Variants in EFCAB8 observed in about 807,000 individuals in gnomAD.
EFCAB8 encodes the protein EF-hand calcium-binding domain-containing protein 8.
A neutral mutation model predicts 116.3 loss-of-function variants in EFCAB8; 100 were observed. The observed-to-expected ratio is 0.86, with a 90% CI of 0.73 to 1.02. The LOEUF (loss-of-function observed/expected upper bound fraction) is 1.02, where lower values mean the gene tolerates loss of function less well. EFCAB8 is among the 50% of genes least tolerant of loss of function. EFCAB8 has a pLI of 0.00. For missense variants in EFCAB8, 1,320 were observed against 1,416.9 expected (o/e 0.93, Z 1.10); for synonymous variants, 558 against 567.9 (o/e 0.98, Z 0.25).
At chr20:32,921,306 C>T (rs1987439086) in intron 20 of EFCAB8, among the ~76,000 whole-genome samples, 1 of 151,984 alleles carries the variant, frequency 6.6e-6, no homozygotes, top group African/African-American at 2.4e-5. Flanking sequence ...GACCCTCCCA[C>T]CTCAGCCTTG....
intron 5 of EFCAB8, 86 bp from the exon 6 acceptor site, chr20:32,885,419 C>A (rs1985571238): frequency 4.0e-6 from 6 of 1,516,998 alleles, no homozygotes; most frequent in Non-Finnish European, 5.3e-6. Context: ...TGTCCCTCCT[C>A]CTCGGTGGCT....
intron 20 of EFCAB8, 25 bp downstream of exon 20, chr20:32,920,240 G>C: frequency 6.4e-7 from 1 of 1,551,182 alleles, no homozygotes; most frequent in African/African-American, 1.4e-5. Flanking sequence ...GCCAGGGAGA[G>C]GGATATGAGC....
intron 7 of EFCAB8, 82 bp from the exon 8 acceptor site, chr20:32,892,131 A>T (rs1985948923): frequency 8.1e-7 from 1 of 1,231,120 alleles, no homozygotes. Context: ...ATTCCTTGGG[A>T]TAGCAATGAG....
chr20:32,928,884 T>A (rs924578096), intron 20 of EFCAB8, among the ~76,000 whole-genome samples: 1 of 151,556 alleles, frequency 6.6e-6, no homozygotes, highest in Non-Finnish European at 1.5e-5. Context: ...GTAATGTCCT[T>A]CTATTCCTAT....
At chr20:32,918,231 G>T (rs1355823082) in intron 18 of EFCAB8, 131 bp from the exon 19 acceptor site, 9 of 854,232 alleles carry the variant, frequency 1.1e-5, no homozygotes, top group East Asian at 5.3e-5. Flanking sequence ...TGCCTTTAAG[G>T]GGGCTAGGTT....
At chr20:32,937,996 G>A (rs1307624445) in intron 22 of EFCAB8, among the ~76,000 whole-genome samples, 1 of 149,850 alleles carries the variant, frequency 6.7e-6, no homozygotes, top group African/African-American at 2.5e-5. Flanking sequence ...ACCAAAACCA[G>A]ATAAAGATAT....
chr20:32,937,810 G>A (rs1035339709), intron 22 of EFCAB8, among the ~76,000 whole-genome samples: 1 of 149,134 alleles, frequency 6.7e-6, no homozygotes, highest in South Asian at 2.1e-4. Context: ...GTAGAGACAG[G>A]GTTTCACCAC....
intron 23 of EFCAB8, among the ~76,000 whole-genome samples, chr20:32,945,720 T>C (rs1204649795): frequency 1.3e-5 from 2 of 152,200 alleles, no homozygotes; most frequent in Non-Finnish European, 2.9e-5. Context: ...CTCCCAGTCT[T>C]TATATACTGG....
At chr20:32,908,592 T>C (rs1986785620) in intron 14 of EFCAB8, among the ~76,000 whole-genome samples, 180 bp downstream of exon 14, 1 of 152,172 alleles carries the variant, frequency 6.6e-6, no homozygotes, top group Non-Finnish European at 1.5e-5. Context: ...ATCCTGTTTC[T>C]AGGCCCCCAG....
chr20:32,865,959 A>G (rs1328511408), intron 2 of EFCAB8, among the ~76,000 whole-genome samples: 1 of 152,018 alleles, frequency 6.6e-6, no homozygotes, highest in Non-Finnish European at 1.5e-5. Context: ...GGAGGCTTAT[A>G]TGTAGGAGAT....
At chr20:32,877,902 A>G (rs1334347767) in intron 4 of EFCAB8, among the ~76,000 whole-genome samples, 4 of 152,140 alleles carry the variant, frequency 2.6e-5, no homozygotes, top group Non-Finnish European at 5.9e-5. Context: ...GGATGCACTT[A>G]GCGCCTCAGG....
At chr20:32,945,059 T>C (rs531092416) in intron 23 of EFCAB8, among the ~76,000 whole-genome samples, 33 of 152,204 alleles carry the variant, frequency 2.2e-4, no homozygotes, top group African/African-American at 6.7e-4. Context: ...TCAAGTCTGC[T>C]GATTTTTCCT....
intron 23 of EFCAB8, among the ~76,000 whole-genome samples, chr20:32,955,013 CT>C (rs1360414072): frequency 7.2e-3 from 1 of 138 alleles, no homozygotes. Flanking sequence ...GACATCTATC[CT>C]CCCCATGAGT....
intron 1 of EFCAB8, 126 bp from the exon 2 acceptor site, chr20:32,863,657 C>A: frequency 1.2e-6 from 1 of 819,488 alleles, no homozygotes; most frequent in Non-Finnish European, 1.9e-6. Flanking sequence ...TGTCCATGGG[C>A]AAGGGGAAGC....
chr20:32,883,836 G>T (rs1244234176), intron 5 of EFCAB8, among the ~76,000 whole-genome samples: 5 of 151,986 alleles, frequency 3.3e-5, no homozygotes, highest in African/African-American at 1.2e-4. Flanking sequence ...GACTACAGGC[G>T]TGTGCTACCA....
At chr20:32,905,161 A>G (rs1362687713) in intron 11 of EFCAB8, among the ~76,000 whole-genome samples, 2 of 152,172 alleles carry the variant, frequency 1.3e-5, no homozygotes, top group Non-Finnish European at 2.9e-5. Flanking sequence ...ACCTCCTGCC[A>G]TATCCACCCT....
intron 17 of EFCAB8, among the ~76,000 whole-genome samples, chr20:32,914,493 A>G (rs1407841943): frequency 6.6e-6 from 1 of 152,196 alleles, no homozygotes; most frequent in African/African-American, 2.4e-5. Flanking sequence ...TCACACTGCT[A>G]TAAAGAATGC....
intron 17 of EFCAB8, among the ~76,000 whole-genome samples, chr20:32,916,785 AAGT>A (rs771257109): frequency 1.9e-4 from 29 of 152,116 alleles, no homozygotes; most frequent in Non-Finnish European, 3.5e-4. Context: ...TGTGAAAAAA[AAGT>A]AGGAGTTTCT....
At chr20:32,865,935 A>C (rs1175431780) in intron 2 of EFCAB8, among the ~76,000 whole-genome samples, 1 of 152,052 alleles carries the variant, frequency 6.6e-6, no homozygotes, top group East Asian at 1.9e-4. Flanking sequence ...TGGGGCGAGC[A>C]GGGGTGTGGG....
Sources: allele counts gnomAD v4.1 joint callset (sites outside exome capture counted in the v4.1 genomes callset), GRCh38; gene constraint gnomAD v4.1.1; transcripts MANE v1.5; gene names NCBI Gene and HGNC (gene_info 2026-07-23, HGNC 2026-07-21).